ATMIN: variants seen among roughly 807,000 people sequenced by gnomAD.
ATMIN encodes ATM interactor, also known as ATM INteracting protein.
In ATMIN, 24 loss-of-function variants were observed where a neutral mutation model predicts 49.2. The observed-to-expected ratio is 0.49, with a 90% confidence interval of 0.35 to 0.69. The LOEUF (loss-of-function observed/expected upper bound fraction) is 0.69. Ranked by LOEUF, ATMIN falls within the 30% of genes least tolerant of loss-of-function variation. ATMIN has a pLI of 0.00. For synonymous variants in ATMIN, 450 were observed against 392.5 expected, an observed-to-expected ratio of 1.15 and a Z score of -1.73; for missense variants, 1,037 against 1,005.5, an observed-to-expected ratio of 1.03 and a Z score of -0.42.
intron 1 of ATMIN, among the ~76,000 whole-genome samples, chr16:81,036,690 C>T (rs1346216469): frequency 3.3e-5 from 5 of 152,196 alleles, no homozygotes. Flanking sequence ...GCCCAGTGGA[C>T]TGTATGTGCC....
Position 81,043,236 on chromosome 16 carries a change from A to C in ATMIN, c.738A>C (p.Ser246=), listed in dbSNP as rs747295317. The C allele has an allele frequency of 1.2e-6, 2 of 1,614,054 alleles. No individual in the cohort carries two copies. Among genetic ancestry groups the C allele is most frequent in the African/African-American group, 2.7e-5 (2 of 74,928 alleles). ...NQKLSNKTIE[S]LNNQPIPRPD... is the part of the protein sequence containing the mutation. Reference sequence around the variant, plus strand: ...AGTTATCCAACAAGACCATTGAATCATTGAACAACCAACCAATCCCTAGAC... The same window carrying C: ...AGTTATCCAACAAGACCATTGAATCCTTGAACAACCAACCAATCCCTAGAC... The change falls in exon 4 of 4, where the codon TCA becomes TCC. Residue 246 remains serine (S), a synonymous_variant. Transcript: ENST00000299575.
chr16:81,040,940 C>T (rs555247290), intron 1 of ATMIN: 62 of 162,790 alleles, frequency 3.8e-4, no homozygotes, highest in African/African-American at 1.3e-3. Context: ...ATGATGAGAG[C>T]ACACACTACA....
chr16:81,043,036 T>G (rs572369432), intron 3 of ATMIN, 125 bp from the exon 4 acceptor site: 31 of 1,195,056 alleles, frequency 2.6e-5, no homozygotes, highest in Non-Finnish European at 3.3e-5. Flanking sequence ...TGGATTTATC[T>G]TGTCTGGGTT....
At chr16:81,037,359 T>C in intron 1 of ATMIN, 1 of 985,460 alleles carries the variant, frequency 1.0e-6, no homozygotes, top group Non-Finnish European at 1.2e-6. Context: ...GGTTGTAGTC[T>C]CTAGTAGGAC....
Position 81,044,928 on chromosome 16 carries a change from A to C in ATMIN, c.2430A>C (p.Glu810Asp). The C allele has an allele frequency of 1.2e-6, 2 of 1,613,996 alleles. No individual in the cohort carries two copies. Among genetic ancestry groups the C allele is most frequent in the Non-Finnish European group, 1.7e-6 (2 of 1,179,884 alleles). ...NTMESQFSSV[E>D]TQTSAEPHTV... ...TGGAGTCTCAGTTCAGCTCTGTAGA[A>C]ACCCAGACTTCTGCGGAACCACACA... Residue 810 changes from glutamate to aspartate, a missense_variant, in exon 4 of 4, where the codon GAA becomes GAC. Transcript: ENST00000299575.
rs1447955469 is a variant in ATMIN, at chr16:81,046,035, C to T, written c.*1065C>T. 1 of 151,244 alleles carries T rather than the reference C, an allele frequency of 6.6e-6. No individual in the cohort carries two copies. The highest frequency in any genetic ancestry group is 2.4e-5 in the African/African-American group (1 of 41,158). The allele number at this position is 151,244 out of a possible 1,614,324, so 9.4% of individuals were successfully genotyped here. A position where few individuals can be genotyped will look rare whatever the true frequency, so the allele number is the denominator to read the frequency against. The stretch of plus-strand genomic sequence containing the variant: ...TAGTGTAGTGTTCCTGCTAAATGAG[C>T]GTAGGTTATCCAAACCTTGGGAACA... On this transcript the variant is annotated 3_prime_UTR_variant, in exon 4 of 4. Transcript: ENST00000299575.
At chr16:81,042,548 G>C (rs749531554) in intron 3 of ATMIN, 68 bp downstream of exon 3, 1,913 of 1,503,264 alleles carry the variant, frequency 1.3e-3, no homozygotes, top group Non-Finnish European at 1.6e-3. Flanking sequence ...AAACATCCTG[G>C]AGAGCCAGTG....
intron 2 of ATMIN, among the ~76,000 whole-genome samples, 173 bp from the exon 3 acceptor site, chr16:81,042,108 T>C (rs1262996814): frequency 6.6e-6 from 1 of 152,218 alleles, no homozygotes; most frequent in Non-Finnish European, 1.5e-5. Flanking sequence ...AAGAGGCATA[T>C]ATATAATTAA....
intron 1 of ATMIN, chr16:81,037,549 A>G (rs1970962081): frequency 2.1e-6 from 2 of 948,892 alleles, no homozygotes; most frequent in Admixed American, 6.2e-5. Flanking sequence ...TCAGCACTCA[A>G]GTGTAACTCT....
intron 1 of ATMIN, 165 bp from the exon 2 acceptor site, chr16:81,041,191 T>G: frequency 1.5e-6 from 1 of 662,896 alleles, no homozygotes; most frequent in Non-Finnish European, 2.5e-6. Context: ...CCACATTTCG[T>G]TTAATCTACT....
In ATMIN at chr16:81,043,619, C is replaced by T; in HGVS notation, c.1121C>T (p.Pro374Leu). ...CTACCTCTTTTCAAAATTGCTAATC[C>T]TATTGCTGGTGAGCCAATAAGTACT... ...ESLPLFKIAN[P>L]IAGEPISTGV... The change falls in exon 4 of 4, where the codon CCT (proline) becomes CTT (leucine). Residue 374 changes from proline to leucine, a missense_variant. Physicochemically the swap from Pro to Leu is moderately conservative, Grantham distance 98 (BLOSUM62 -3). Coordinates refer to ENST00000299575, the MANE Select transcript of ATMIN (RefSeq NM_015251.3). 2 of 1,614,232 alleles carry T rather than the reference C, an allele frequency of 1.2e-6. No homozygotes were observed. Among genetic ancestry groups the T allele is most frequent in the East Asian group, 2.2e-5 (1 of 44,890 alleles).
At chr16:81,039,130 C>T (rs1480412585) in intron 1 of ATMIN, among the ~76,000 whole-genome samples, 1 of 152,084 alleles carries the variant, frequency 6.6e-6, no homozygotes, top group Non-Finnish European at 1.5e-5. Flanking sequence ...TTTCAAAGTA[C>T]TGGAAGAAGG....
intron 3 of ATMIN, among the ~76,000 whole-genome samples, chr16:81,042,748 G>A (rs951788358): frequency 1.3e-5 from 2 of 152,112 alleles, no homozygotes; most frequent in African/African-American, 2.4e-5. Flanking sequence ...TCAGCTTCCA[G>A]AATTTTCTAT....
rs1033126251 is a variant in ATMIN, at chr16:81,046,344, ATCTTT to A, written c.*1380_*1384del. 2 of 149,690 alleles carry A rather than the reference ATCTTT, an allele frequency of 1.3e-5. No individual in the cohort carries two copies. The highest frequency in any genetic ancestry group is 4.1e-4 in the South Asian group (2 of 4,826). The allele number at this position is 149,690 out of a possible 1,614,324, so 9.3% of individuals were successfully genotyped here. A position where few individuals can be genotyped will look rare whatever the true frequency, so the allele number is the denominator to read the frequency against. On this transcript the variant is annotated 3_prime_UTR_variant, in exon 4 of 4. Transcript: ENST00000299575. ...AATTTCCTTCCATTCACCATTCTTT[ATCTTT>A]TCTTTGAATAAGAAAAAGTATCTAG...
At chr16:81,038,957 G>A (rs969231659) in intron 1 of ATMIN, among the ~76,000 whole-genome samples, 1 of 152,038 alleles carries the variant, frequency 6.6e-6, no homozygotes, top group Admixed American at 6.5e-5. Context: ...CACCACGCCC[G>A]ACTAATTTTT....
rs570226600 is a variant in ATMIN, at chr16:81,043,963, G to A, written c.1465G>A (p.Val489Ile). Residue 489 changes from valine (V) to isoleucine (I), a missense_variant, in exon 4 of 4, where the codon GTC (valine) becomes ATC (isoleucine). Transcript: ENST00000299575. ...FMDTCFQSGGVSRETQTSGIE... is the reference protein window; with the variant it reads ...FMDTCFQSGGISRETQTSGIE... ...GGACACCTGTTTCCAGTCAGGTGGG[G>A]TCTCCAGAGAAACTCAAACCAGTGG... 2 of 1,614,190 alleles carry A rather than the reference G, an allele frequency of 1.2e-6. No individual in the cohort carries two copies. The highest frequency in any genetic ancestry group is 2.2e-5 in the East Asian group (1 of 44,886).
chr16:81,040,321 G>C (rs1165814511), intron 1 of ATMIN, among the ~76,000 whole-genome samples: 1 of 152,100 alleles, frequency 6.6e-6, no homozygotes, highest in Non-Finnish European at 1.5e-5. Context: ...CAGAAGCAGT[G>C]GGTGGGGGTG....
At position 81,042,442 on chromosome 16, in the gene ATMIN, C is replaced by A. The variant is rs773368990; in HGVS notation, c.624C>A (p.His208Gln). The change falls in exon 3 of 4, where the codon CAC (histidine) becomes CAA (glutamine). Residue 208 changes from histidine (H) to glutamine (Q), a missense_variant. Coordinates refer to ENST00000299575, the MANE Select transcript of ATMIN (RefSeq NM_015251.3). The part of the protein sequence containing the change: ...PYASRTALQS[H>Q]IYRTGHEIPA... Reference sequence around the variant, plus strand: ...CCAGTAGAACAGCACTGCAGTCTCACATCTACCGAACTGGGCACGAGATAC... The same window carrying A: ...CCAGTAGAACAGCACTGCAGTCTCAAATCTACCGAACTGGGCACGAGATAC... 1 of 1,614,088 alleles carries A rather than the reference C, an allele frequency of 6.2e-7. No individual in the cohort carries two copies. Among genetic ancestry groups the A allele is most frequent in the Non-Finnish European group, 8.5e-7 (1 of 1,180,048 alleles).
chr16:81,045,069 T>A lies in ATMIN; in HGVS notation c.*99T>A. 1 of 1,451,564 alleles carries A rather than the reference T, an allele frequency of 6.9e-7. No homozygotes were observed. Among genetic ancestry groups the A allele is most frequent in the Non-Finnish European group, 9.3e-7 (1 of 1,081,050 alleles). The allele number at this position is 1,451,564 out of a possible 1,614,324, so 89.9% of individuals were successfully genotyped here. ...CAGTATTAATTCGATTGAATGTGGC[T>A]GATGATGCAGTTGCTTAGCTTCTTT... On this transcript the variant is annotated 3_prime_UTR_variant, in exon 4 of 4. Transcript: ENST00000299575.
Sources: allele counts gnomAD v4.1 joint callset (sites outside exome capture counted in the v4.1 genomes callset), GRCh38; gene constraint gnomAD v4.1.1; transcripts MANE v1.5; gene names NCBI Gene and HGNC (gene_info 2026-07-23, HGNC 2026-07-21).